Variants in ZNF277 observed in about 807,000 individuals in gnomAD.
ZNF277 encodes the protein zinc finger protein 277, also known as nuclear receptor-interacting factor 4.
Under a neutral mutation model 60.7 loss-of-function variants are expected in ZNF277, and 55 were observed. The observed-to-expected ratio is 0.91, with a 90% CI of 0.73 to 1.13. ZNF277 has a LOEUF of 1.13. Among genes scored for constraint, ZNF277 ranks in the 50% most tolerant of loss-of-function variants. The pLI, the probability that ZNF277 is intolerant of heterozygous loss-of-function variation, is 0.00. For missense variants in ZNF277, 510 were observed against 523.0 expected (o/e 0.98, Z 0.24); for synonymous variants, 178 against 179.3 (o/e 0.99, Z 0.06).
chr7:112,284,616 T>G (rs1445615249), intron 1 of ZNF277, among the ~76,000 whole-genome samples: 1 of 152,174 alleles, frequency 6.6e-6, no homozygotes, highest in Non-Finnish European at 1.5e-5. Flanking sequence ...TAACACCAGT[T>G]TTGTTAATAG....
At chr7:112,251,458 CAT>C (rs1412314496) in intron 1 of ZNF277, among the ~76,000 whole-genome samples, 4 of 152,182 alleles carry the variant, frequency 2.6e-5, no homozygotes, top group Non-Finnish European at 4.4e-5. Context: ...AATACCAACT[CAT>C]GTGTTACTCA....
intron 4 of ZNF277, among the ~76,000 whole-genome samples, chr7:112,307,508 G>C (rs1792627379): frequency 6.6e-6 from 1 of 151,472 alleles, no homozygotes; most frequent in South Asian, 2.1e-4. Flanking sequence ...TCCGCCTCCT[G>C]GTTTCAAGGG....
intron 1 of ZNF277, among the ~76,000 whole-genome samples, chr7:112,272,564 G>T (rs1791697273): frequency 6.6e-6 from 1 of 152,138 alleles, no homozygotes; most frequent in African/African-American, 2.4e-5. Flanking sequence ...CACAATCTTG[G>T]CTCACTTCAG....
intron 1 of ZNF277, among the ~76,000 whole-genome samples, chr7:112,211,968 G>C (rs940109327): frequency 6.6e-6 from 1 of 152,196 alleles, no homozygotes; most frequent in African/African-American, 2.4e-5. Flanking sequence ...GGCATTTAGA[G>C]TGGCTACTAT....
At chr7:112,211,162 GT>G (rs1821736721) in intron 1 of ZNF277, among the ~76,000 whole-genome samples, 1 of 152,198 alleles carries the variant, frequency 6.6e-6, no homozygotes, top group African/African-American at 2.4e-5. Flanking sequence ...CATGTGTGAT[GT>G]CTCTGGAAGA....
At chr7:112,285,000 T>A (rs750048260) in intron 1 of ZNF277, among the ~76,000 whole-genome samples, 21 of 152,180 alleles carry the variant, frequency 1.4e-4, no homozygotes, top group Non-Finnish European at 2.6e-4. Flanking sequence ...AGTGAATGAA[T>A]GAATGCTGCC....
intron 7 of ZNF277, 70 bp downstream of exon 7, chr7:112,330,286 T>A: frequency 6.7e-7 from 1 of 1,502,644 alleles, no homozygotes; most frequent in Non-Finnish European, 9.1e-7. Context: ...GAGGACCAAC[T>A]AATATTTGAA....
intron 2 of ZNF277, among the ~76,000 whole-genome samples, chr7:112,295,661 T>A (rs183624566): frequency 2.6e-5 from 4 of 152,218 alleles, no homozygotes; most frequent in Non-Finnish European, 5.9e-5. Flanking sequence ...TGCCCTTACA[T>A]GGTAATTCCT....
chr7:112,244,400 G>A (rs1791032223), intron 1 of ZNF277, among the ~76,000 whole-genome samples: 1 of 152,100 alleles, frequency 6.6e-6, no homozygotes, highest in Non-Finnish European at 1.5e-5. Context: ...ATTTCTGATA[G>A]TAAGCAGTTC....
Position 112,208,596 on chromosome 7 carries a change from CTTT to C in ZNF277, c.91+1800_91+1802del, listed in dbSNP as rs774920648. ...TTCTTTCCAACATATTCTTCTTCTTCTTTTTTTTTTTTTAATCCTACAATCCGT... is the reference window on the plus strand; with the variant it reads ...TTCTTTCCAACATATTCTTCTTCTTCTTTTTTTTTTAATCCTACAATCCGT... On this transcript the variant is annotated intron_variant, in intron 1 of 11. Coordinates refer to ENST00000361822, the MANE Select transcript of ZNF277 (RefSeq NM_021994.3). Among the ~76,000 whole-genome samples, 44 of 109,530 alleles carry C rather than the reference CTTT, an allele frequency of 4.0e-4. 1 individual carries two copies. The highest frequency in any genetic ancestry group is 3.6e-3 in the Admixed American group (38 of 10,628). 71.9% of individuals were successfully genotyped at this position (109,530 alleles called of 152,430 possible).
At chr7:112,321,287 A>C (rs1209141452) in intron 5 of ZNF277, among the ~76,000 whole-genome samples, 1 of 151,904 alleles carries the variant, frequency 6.6e-6, no homozygotes, top group Non-Finnish European at 1.5e-5. Context: ...ATTGCAATTA[A>C]CATTTCAATT....
At chr7:112,337,891 A>C in intron 9 of ZNF277, 65 bp downstream of exon 9, 1 of 1,320,314 alleles carries the variant, frequency 7.6e-7, no homozygotes, top group Non-Finnish European at 1.1e-6. Context: ...TAATTGTTGC[A>C]CCCTCATCTG....
chr7:112,233,626 T>G (rs957098570), intron 1 of ZNF277, among the ~76,000 whole-genome samples: 2 of 152,210 alleles, frequency 1.3e-5, no homozygotes, highest in African/African-American at 2.4e-5. Context: ...TGCTCTTTTT[T>G]CAAAGCAGAG....
At chr7:112,228,125 C>T (rs911075286) in intron 1 of ZNF277, among the ~76,000 whole-genome samples, 2 of 151,896 alleles carry the variant, frequency 1.3e-5, no homozygotes, top group African/African-American at 2.4e-5. Flanking sequence ...CTTCTGGCAG[C>T]GTGACTCCAG....
intron 5 of ZNF277, among the ~76,000 whole-genome samples, chr7:112,319,033 G>C (rs1476029257): frequency 6.6e-6 from 1 of 152,116 alleles, no homozygotes; most frequent in Non-Finnish European, 1.5e-5. Flanking sequence ...AGGAGTTTCT[G>C]AATCCTCTTC....
chr7:112,298,076 A>C (rs1792393619), intron 4 of ZNF277, among the ~76,000 whole-genome samples: 1 of 152,240 alleles, frequency 6.6e-6, no homozygotes, highest in African/African-American at 2.4e-5. Flanking sequence ...TGCTCGTTGA[A>C]TTTCTGCTTA....
chr7:112,331,286 T>TA (rs1793225008), intron 7 of ZNF277, among the ~76,000 whole-genome samples: 1 of 152,120 alleles, frequency 6.6e-6, no homozygotes, highest in Admixed American at 6.5e-5. Context: ...TACTGATTTT[T>TA]AAAAAATATA....
chr7:112,274,018 ATTATATATTAATATATAGT>A (rs1791738610), intron 1 of ZNF277, among the ~76,000 whole-genome samples: 1 of 149,414 alleles, frequency 6.7e-6, no homozygotes, highest in Admixed American at 6.7e-5. Flanking sequence ...CTTTATAGCA[ATTATATATTAATATATAGT>A]ATGAGATATA....
chr7:112,240,302 A>T (rs2116992156), intron 1 of ZNF277, among the ~76,000 whole-genome samples: 1 of 152,276 alleles, frequency 6.6e-6, no homozygotes, highest in Non-Finnish European at 1.5e-5. Context: ...TACACAGCAA[A>T]GGGGTGGTTA....
Sources: allele counts gnomAD v4.1 joint callset (sites outside exome capture counted in the v4.1 genomes callset), GRCh38; gene constraint gnomAD v4.1.1; transcripts MANE v1.5; gene names NCBI Gene and HGNC (gene_info 2026-07-23, HGNC 2026-07-21).